NFASC: variants seen among roughly 807,000 people sequenced by gnomAD.
NFASC encodes the protein neurofascin homolog.
NFASC carries 43 observed loss-of-function variants against 147.5 expected under a neutral mutation model. That is an observed-to-expected ratio of 0.29 (90% confidence interval 0.23 to 0.38). The LOEUF (loss-of-function observed/expected upper bound fraction) is 0.38. NFASC is among the 10% of genes least tolerant of loss of function. NFASC has a pLI of 1.00. For missense variants in NFASC, 1,320 were observed against 1,689.0 expected (o/e 0.78, Z 3.83); for synonymous variants, 622 against 665.5 (o/e 0.93, Z 1.01).
rs182976811 is a variant in NFASC, at chr1:205,009,118, G to A, written c.3290-439G>A. The stretch of plus-strand genomic sequence containing the variant: ...TAGCAGGTTTTTGCAACGTGGCCAC[G>A]GCCTGCACTCCCTGATGGGTAGCTT... On this transcript the variant is annotated intron_variant, in intron 27 of 29. Transcript: ENST00000339876. 10 of 270,392 alleles carry A rather than the reference G, an allele frequency of 3.7e-5. No individual in the cohort carries two copies. In the East Asian group the frequency reaches 9.5e-4, roughly 26 times the overall value. 16.7% of individuals were successfully genotyped at this position (270,392 alleles called of 1,614,324 possible). A position where few individuals can be genotyped will look rare whatever the true frequency, so the allele number is the denominator to read the frequency against.
intron 27 of NFASC, among the ~76,000 whole-genome samples, chr1:205,005,030 G>A (rs2096075136): frequency 6.6e-6 from 1 of 152,204 alleles, no homozygotes; most frequent in Admixed American, 6.5e-5. Flanking sequence ...CTTAGAGTGG[G>A]CCAGCAGTCA....
chr1:204,862,585 A>T (rs1454491681), intron 1 of NFASC, among the ~76,000 whole-genome samples: 2 of 152,228 alleles, frequency 1.3e-5, no homozygotes, highest in Non-Finnish European at 2.9e-5. Flanking sequence ...TTTAAAATAT[A>T]ACCTGGGAGT....
In NFASC at chr1:205,020,442, G is replaced by A. The variant is rs138789833; in HGVS notation, c.*3903G>A. On this transcript the variant is annotated 3_prime_UTR_variant, in exon 30 of 30. Transcript: ENST00000339876. ...GAGGGTTAGTCCACATCCAAGTTGC[G>A]TGAGATAAGATGCAAAGGGCTCTGT... The A allele has an allele frequency of 2.0e-5, 3 of 152,374 alleles. No homozygotes were observed. The highest frequency in any genetic ancestry group is 4.4e-5 in the Non-Finnish European group (3 of 68,046). 9.4% of individuals were successfully genotyped at this position (152,374 alleles called of 1,614,324 possible). A position where few individuals can be genotyped will look rare whatever the true frequency, so the allele number is the denominator to read the frequency against.
intron 17 of NFASC, 28 bp downstream of exon 17, chr1:204,977,753 C>A: frequency 6.3e-7 from 1 of 1,598,082 alleles, no homozygotes; most frequent in East Asian, 2.2e-5. Flanking sequence ...CAGTCCCCTG[C>A]CAGTGCCCTC....
At chr1:204,981,684 G>A (rs144314957) in intron 20 of NFASC, 114 bp from the exon 21 acceptor site, 9,435 of 625,662 alleles carry the variant, frequency 0.015, 112 homozygotes, top group Non-Finnish European at 0.021. Context: ...AAGGGGGCAG[G>A]CCAGTGTTGG....
intron 24 of NFASC, chr1:204,993,898 AAGG>A: frequency 2.3e-6 from 1 of 432,344 alleles, no homozygotes; most frequent in South Asian, 1.6e-5. Flanking sequence ...TGAGCAGTGG[AAGG>A]TTTTCCCCAT....
chr1:204,834,420 G>T (rs1427650042), intron 1 of NFASC, among the ~76,000 whole-genome samples: 1 of 152,128 alleles, frequency 6.6e-6, no homozygotes, highest in Non-Finnish European at 1.5e-5. Flanking sequence ...AGTGCCTGGG[G>T]CATGGTAGGG....
At chr1:204,889,336 A>T (rs2081947937) in intron 1 of NFASC, among the ~76,000 whole-genome samples, 1 of 152,210 alleles carries the variant, frequency 6.6e-6, no homozygotes, top group South Asian at 2.1e-4. Context: ...CTTTCCCAGG[A>T]TCAGTTAACT....
chr1:204,895,009 A>G (rs1209696997), intron 1 of NFASC, among the ~76,000 whole-genome samples: 8 of 152,098 alleles, frequency 5.3e-5, no homozygotes, highest in Admixed American at 5.2e-4. Context: ...TATTCACTTA[A>G]TCTTTATTCT....
chr1:204,977,646 C>T (rs1403616670), intron 16 of NFASC, 35 bp from the exon 17 acceptor site: 11 of 1,599,990 alleles, frequency 6.9e-6, no homozygotes, highest in East Asian at 2.2e-5. Context: ...TGCTGGATAA[C>T]CTGCTAACCT....
chr1:204,973,468 C>G, intron 12 of NFASC, 49 bp downstream of exon 12: 1 of 1,604,746 alleles, frequency 6.2e-7, no homozygotes, highest in Non-Finnish European at 8.5e-7. Flanking sequence ...CACTACTGCA[C>G]AGTCGCCCTG....
At chr1:204,953,557 A>G (rs1341469203) in intron 5 of NFASC, among the ~76,000 whole-genome samples, 1 of 152,072 alleles carries the variant, frequency 6.6e-6, no homozygotes, top group Non-Finnish European at 1.5e-5. Context: ...CAGCCTCCCA[A>G]AGTACTGGGA....
chr1:204,979,121 T>A lies in NFASC; in HGVS notation c.1978+52T>A, dbSNP rs2095467061. On this transcript the variant is annotated intron_variant, in intron 18 of 29. Transcript: ENST00000339876. The surrounding 1 kb of genome is among the most constrained non-coding windows in gnomAD (Gnocchi z 6.0). ...CTGGAAAAGAGGGACGGCAACACCCTTAAACCGAAGGCCTTTCCTGGTTTC... is the reference window on the plus strand; with the variant it reads ...CTGGAAAAGAGGGACGGCAACACCCATAAACCGAAGGCCTTTCCTGGTTTC... The A allele has an allele frequency of 6.9e-7, 1 of 1,445,370 alleles. No homozygotes were observed. The highest frequency in any genetic ancestry group is 1.4e-5 in the African/African-American group (1 of 70,930). The allele number at this position is 1,445,370 out of a possible 1,614,324, so 89.5% of individuals were successfully genotyped here.
intron 1 of NFASC, among the ~76,000 whole-genome samples, chr1:204,840,068 T>C (rs1459809077): frequency 6.6e-6 from 1 of 152,206 alleles, no homozygotes; most frequent in Non-Finnish European, 1.5e-5. Context: ...CACATAGTGC[T>C]TCTCAGTCCT....
chr1:205,014,342 G>A (rs1329743239), intron 29 of NFASC, among the ~76,000 whole-genome samples: 1 of 152,178 alleles, frequency 6.6e-6, no homozygotes, highest in Non-Finnish European at 1.5e-5. Context: ...ATCCATCCTA[G>A]AGCCCTCCCT....
intron 1 of NFASC, among the ~76,000 whole-genome samples, chr1:204,878,756 G>C (rs567881057): frequency 6.6e-6 from 1 of 152,220 alleles, no homozygotes; most frequent in Non-Finnish European, 1.5e-5. Context: ...TGTTTTGGAA[G>C]AGGGTAGGAG....
chr1:205,007,276 G>A (rs1284578312), intron 27 of NFASC, among the ~76,000 whole-genome samples: 2 of 152,006 alleles, frequency 1.3e-5, no homozygotes, highest in African/African-American at 4.8e-5. Context: ...TGCACTCGTA[G>A]TCCCAGCTAC....
chr1:204,916,341 A>G (rs555543085), intron 1 of NFASC, among the ~76,000 whole-genome samples: 42 of 152,326 alleles, frequency 2.8e-4, no homozygotes, highest in African/African-American at 9.9e-4. Context: ...AACTAACCCT[A>G]AAGTCCTATG....
chr1:204,939,132 T>A (rs986915248), intron 2 of NFASC, among the ~76,000 whole-genome samples: 2 of 150,220 alleles, frequency 1.3e-5, no homozygotes, highest in Admixed American at 1.3e-4. Context: ...GAATTAATCA[T>A]GTTCTCCAGT....
Sources: allele counts gnomAD v4.1 joint callset (sites outside exome capture counted in the v4.1 genomes callset), GRCh38; gene constraint gnomAD v4.1.1; non-coding constraint Gnocchi (gnomAD v3.1); transcripts MANE v1.5; gene names NCBI Gene and HGNC (gene_info 2026-07-23, HGNC 2026-07-21).